NBPF19: variants seen among roughly 807,000 people sequenced by gnomAD.
NBPF19 encodes the protein NBPF family member NBPF19.
A neutral mutation model predicts 45.9 loss-of-function variants in NBPF19; 30 were observed. The ratio of observed to expected loss-of-function variants is 0.65; its 90% CI spans 0.49 to 0.89. NBPF19 has a LOEUF of 0.89. Among genes scored for constraint, NBPF19 ranks in the 40% least tolerant of loss-of-function variants. The probability of loss-of-function intolerance (pLI) is 0.00; values close to 1 mark genes in which losing one functional copy is unlikely to be tolerated. For missense variants in NBPF19, 495 were observed against 471.8 expected, an observed-to-expected ratio of 1.05 and a Z score of -0.46; for synonymous variants, 183 against 181.2, an observed-to-expected ratio of 1.01 and a Z score of -0.08.
chr1:149,490,720 G>C (rs1449129203), intron 13 of NBPF19, among the ~76,000 whole-genome samples: 2 of 52,508 alleles, frequency 3.8e-5, no homozygotes, highest in Non-Finnish European at 7.0e-5. Context: ...TTCAAAAACT[G>C]TATTCTCATG....
rs2087211144 is a variant in NBPF19, at chr1:149,554,928, A to T, written c.*190A>T. The T allele has an allele frequency of 1.1e-5, 11 of 993,362 alleles. No homozygotes were observed. The highest frequency in any genetic ancestry group is 1.6e-5 in the Non-Finnish European group (11 of 669,594). 61.5% of individuals were successfully genotyped at this position (993,362 alleles called of 1,614,324 possible). A position where few individuals can be genotyped will look rare whatever the true frequency, so the allele number is the denominator to read the frequency against. On this transcript the variant is annotated 3_prime_UTR_variant, in exon 94 of 94. Coordinates refer to ENST00000651566, the MANE Select transcript of NBPF19 (RefSeq NM_001351365.2). The stretch of plus-strand genomic sequence containing the variant: ...AGTCTGAAGACAATGGACCCACGTT[A>T]GGTGTGACACGTTCACATAACTGTG...
chr1:149,521,505 TATG>T lies in NBPF19; in HGVS notation c.6337+16_6337+18del. On this transcript the variant is annotated intron_variant, in intron 52 of 93. Transcript: ENST00000651566. ...TTGACATGGATGGTGAGTACCTTTCTATGAAGGTGATAAGGATCCACTGAGTCT... is the reference window on the plus strand; with the variant it reads ...TTGACATGGATGGTGAGTACCTTTCTAAGGTGATAAGGATCCACTGAGTCT... 2 of 119,906 alleles carry T rather than the reference TATG, an allele frequency of 1.7e-5. No individual in the cohort carries two copies. Among genetic ancestry groups the T allele is most frequent in the South Asian group, 8.0e-5 (2 of 24,888 alleles). The allele number at this position is 119,906 out of a possible 1,614,324, so 7.4% of individuals were successfully genotyped here.
At chr1:149,484,551 A>G (rs1485205160) in intron 7 of NBPF19, among the ~76,000 whole-genome samples, 1 of 144,622 alleles carries the variant, frequency 6.9e-6, no homozygotes, top group Admixed American at 7.0e-5. Context: ...AAAACTATAC[A>G]TATGGAAAAA....
rs1458986406 is a variant in NBPF19 at position 149,477,224 on chromosome 1, A to G, written c.176-721A>G. Among the ~76,000 whole-genome samples the G allele has an allele frequency of 1.5e-4, 22 of 150,712 alleles. 2 individuals carry two copies. The highest frequency in any genetic ancestry group is 3.1e-4 in the Non-Finnish European group (21 of 67,560). ...GTAAATTGCTGCAATGAATTACATGAGGTATTTCCTGTCAATCTCCTTGAA... is the reference window on the plus strand; with the variant it reads ...GTAAATTGCTGCAATGAATTACATGGGGTATTTCCTGTCAATCTCCTTGAA... On this transcript the variant is annotated intron_variant, in intron 2 of 93. Coordinates refer to ENST00000651566, the MANE Select transcript of NBPF19 (RefSeq NM_001351365.2).
In NBPF19 at chr1:149,554,609, C is replaced by G. The variant is rs1228831819; in HGVS notation, c.11403C>G (p.Tyr3801Ter). Residue 3801 changes from tyrosine (Y) to a stop codon, truncating the protein, a stop_gained, in exon 94 of 94, where the codon TAC becomes TAG. Transcript: ENST00000651566. LOFTEE classifies it low-confidence loss of function (END_TRUNC). ...YFELPDSFQH[Y>*]RSVFYSFEEE... is the part of the protein sequence containing the mutation. The stretch of plus-strand genomic sequence containing the variant: ...AACTACCTGACTCATTCCAGCACTA[C>G]AGAAGTGTGTTTTACTCATTTGAGG... The G allele has an allele frequency of 8.1e-6, 13 of 1,608,216 alleles. 1 individual carries two copies. The highest frequency in any genetic ancestry group is 4.5e-5 in the East Asian group (2 of 44,864).
rs1483056887 is a variant in NBPF19, at chr1:149,488,009, C to T, written c.1041-4C>T. The T allele has an allele frequency of 1.0e-5, 7 of 688,116 alleles. No individual in the cohort carries two copies. Among genetic ancestry groups the T allele is most frequent in the African/African-American group, 1.9e-5 (1 of 53,346 alleles). 42.6% of individuals were successfully genotyped at this position (688,116 alleles called of 1,614,324 possible). A position where few individuals can be genotyped will look rare whatever the true frequency, so the allele number is the denominator to read the frequency against. ...TTATTCTTTACTTTTTCCCACTTTTCCAGGCTCAGCAGGGAGCTGCTGGAT... is the reference window on the plus strand; with the variant it reads ...TTATTCTTTACTTTTTCCCACTTTTTCAGGCTCAGCAGGGAGCTGCTGGAT... On this transcript the variant is annotated splice_region_variant and splice_polypyrimidine_tract_variant and intron_variant, in intron 9 of 93. Coordinates refer to ENST00000651566, the MANE Select transcript of NBPF19 (RefSeq NM_001351365.2).
In NBPF19 at chr1:149,487,276, T is replaced by C. The variant is rs1403144570; in HGVS notation, c.989-56T>C. 1.1e-5 allele frequency: 14 copies of C among 1,288,656 alleles called. No homozygotes were observed. The African/African-American group carries it at 1.8e-4, about 16-fold the overall frequency. 79.8% of individuals were successfully genotyped at this position (1,288,656 alleles called of 1,614,324 possible). ...TGTGTTAGGATTGGACAGAGGAATG[T>C]TTCTGTGTGCAAGGAAGAACTTAAT... On this transcript the variant is annotated intron_variant, in intron 8 of 93. Coordinates refer to ENST00000651566, the MANE Select transcript of NBPF19 (RefSeq NM_001351365.2).
chr1:149,554,862 C>G lies in NBPF19; in HGVS notation c.*124C>G. The G allele has an allele frequency of 3.9e-6, 6 of 1,524,020 alleles. No homozygotes were observed. Among genetic ancestry groups the G allele is most frequent in the South Asian group, 1.2e-5 (1 of 80,534 alleles). The allele number at this position is 1,524,020 out of a possible 1,614,324, so 94.4% of individuals were successfully genotyped here. A position where few individuals can be genotyped will look rare whatever the true frequency, so the allele number is the denominator to read the frequency against. Reference sequence around the variant, plus strand: ...ATAGGATGGGTCAGTGGGCATGGCTCTTTTCCTATTCTCAAACCATGCCAG... The same window carrying G: ...ATAGGATGGGTCAGTGGGCATGGCTGTTTTCCTATTCTCAAACCATGCCAG... On this transcript the variant is annotated 3_prime_UTR_variant, in exon 94 of 94. Transcript: ENST00000651566.
Position 149,554,678 on chromosome 1 carries a change from T to C in NBPF19, c.11472T>C (p.Phe3824=). The change falls in exon 94 of 94, where the codon TTT becomes TTC. Residue 3824 remains phenylalanine (F), a synonymous_variant. Coordinates refer to ENST00000651566, the MANE Select transcript of NBPF19 (RefSeq NM_001351365.2). ...SFALYLDNRF[F]TLTVTSLHLV... The stretch of plus-strand genomic sequence containing the variant: ...CCCTTTACTTGGACAATAGGTTTTT[T>C]ACTTTGACGGTGACAAGTCTCCATC... The C allele has an allele frequency of 6.2e-7, 1 of 1,608,364 alleles. No homozygotes were observed. Among genetic ancestry groups the C allele is most frequent in the Non-Finnish European group, 8.5e-7 (1 of 1,176,762 alleles).
At chr1:149,486,358 T>C (rs2085495343) in intron 8 of NBPF19, 65 bp downstream of exon 8, 6 of 646,748 alleles carry the variant, frequency 9.3e-6, no homozygotes, top group Non-Finnish European at 1.4e-5. Context: ...CCATAATCTT[T>C]GGGCCTTGTG....
rs1319035284 is a variant in NBPF19, at chr1:149,490,732, C to T, written c.1490+238C>T. 1.8e-3 allele frequency among the ~76,000 whole-genome samples: 97 copies of T among 53,780 alleles called. 2 individuals are homozygous for T. The highest frequency in any genetic ancestry group is 2.2e-3 in the Non-Finnish European group (66 of 29,498). 35.3% of individuals were successfully genotyped at this position (53,780 alleles called of 152,430 possible). On this transcript the variant is annotated intron_variant, in intron 13 of 93. Transcript: ENST00000651566. ...GACTTCAAAAACTGTATTCTCATGG[C>T]GACTGCATGGAAACTTGAGCACATT...
chr1:149,478,064 G>C lies in NBPF19; in HGVS notation c.278+17G>C, dbSNP rs1294734533. On this transcript the variant is annotated intron_variant, in intron 3 of 93. Transcript: ENST00000651566. ...GGAGCTCAGGTGAGGGGACCCCGTG[G>C]GGGGAGGGCAGGCGGGTAGGTGTGT... 3.9e-5 allele frequency: 61 copies of C among 1,568,192 alleles called. 1 individual carries two copies. Among genetic ancestry groups the C allele is most frequent in the South Asian group, 8.8e-5 (8 of 90,524 alleles).
At chr1:149,483,674 G>T (rs1468110960) in intron 7 of NBPF19, among the ~76,000 whole-genome samples, 1 of 139,574 alleles carries the variant, frequency 7.2e-6, no homozygotes, top group Non-Finnish European at 1.6e-5. Context: ...GGTACCGGTT[G>T]TTCCTTTCCA....
intron 8 of NBPF19, among the ~76,000 whole-genome samples, chr1:149,487,002 G>C (rs1176103030): frequency 6.6e-6 from 1 of 150,694 alleles, no homozygotes; most frequent in Non-Finnish European, 1.5e-5. Flanking sequence ...ATGAGAGAAA[G>C]CTTAATATTG....
intron 3 of NBPF19, among the ~76,000 whole-genome samples, chr1:149,478,593 A>AAGG (rs2084988305): frequency 6.6e-6 from 1 of 151,092 alleles, no homozygotes; most frequent in Non-Finnish European, 1.5e-5. Flanking sequence ...GAGGAACTGA[A>AAGG]AGGATGTCTT....
intron 3 of NBPF19, 84 bp downstream of exon 3, chr1:149,478,131 C>G (rs1461688573): frequency 3.6e-6 from 3 of 823,790 alleles, no homozygotes; most frequent in Admixed American, 3.6e-5. Context: ...GAAATAAGAA[C>G]GAAGCTGGGC....
Position 149,479,106 on chromosome 1 carries a change from A to G in NBPF19, c.493+12A>G. ...AAAGCTCAGCCCAGGTAAGGTGGCCATAGGCCCTGATGACCCAAAACCCCA... is the reference window on the plus strand; with the variant it reads ...AAAGCTCAGCCCAGGTAAGGTGGCCGTAGGCCCTGATGACCCAAAACCCCA... On this transcript the variant is annotated intron_variant, in intron 4 of 93. Coordinates refer to ENST00000651566, the MANE Select transcript of NBPF19 (RefSeq NM_001351365.2). 2 of 1,444,364 alleles carry G rather than the reference A, an allele frequency of 1.4e-6. No homozygotes were observed. The highest frequency in any genetic ancestry group is 1.9e-6 in the Non-Finnish European group (2 of 1,029,274). 89.5% of individuals were successfully genotyped at this position (1,444,364 alleles called of 1,614,324 possible).
rs2087207854 is a variant in NBPF19, at chr1:149,554,822, T to C, written c.*84T>C. Reference sequence around the variant, plus strand: ...AGATTTGAATGAAACTACAGTTCCATTTGGAAGCCCAGACATAGGATGGGT... The same window carrying C: ...AGATTTGAATGAAACTACAGTTCCACTTGGAAGCCCAGACATAGGATGGGT... On this transcript the variant is annotated 3_prime_UTR_variant, in exon 94 of 94. Coordinates refer to ENST00000651566, the MANE Select transcript of NBPF19 (RefSeq NM_001351365.2). 3 of 1,595,532 alleles carry C rather than the reference T, an allele frequency of 1.9e-6. No homozygotes were observed. The highest frequency in any genetic ancestry group is 2.7e-5 in the African/African-American group (2 of 74,294).
intron 19 of NBPF19, 61 bp downstream of exon 19, chr1:149,495,312 GA>G: frequency 1.4e-6 from 1 of 701,660 alleles, no homozygotes; most frequent in Non-Finnish European, 2.6e-6. Flanking sequence ...CTGGTTCAGG[GA>G]AAACAGAGCG....
Sources: gnomAD v4.1 joint callset for allele counts (sites outside exome capture counted in the v4.1 genomes callset) on GRCh38, gnomAD v4.1.1 for gene constraint, MANE v1.5 for transcripts, NCBI Gene and HGNC (gene_info 2026-07-23, HGNC 2026-07-21) for gene names.